The following MAP4K3 variants were observed in gnomAD, a reference collection of about 807,000 sequenced individuals.
MAP4K3 encodes MAPK/ERK kinase kinase kinase 3.
Under a neutral mutation model 143.5 loss-of-function variants are expected in MAP4K3, and 94 were observed. That is an observed-to-expected ratio of 0.65 (90% CI 0.55 to 0.78). The LOEUF (loss-of-function observed/expected upper bound fraction) is 0.78. Among genes scored for constraint, MAP4K3 ranks in the 30% least tolerant of loss-of-function variants. The pLI is 0.00. For missense variants in MAP4K3, 1,077 were observed against 1,068.1 expected (o/e 1.01, Z -0.12); for synonymous variants, 416 against 347.2 (o/e 1.20, Z -2.20).
intron 1 of MAP4K3, among the ~76,000 whole-genome samples, chr2:39,400,436 CTT>C (rs746916921): frequency 1.3e-5 from 2 of 152,142 alleles, no homozygotes; most frequent in Admixed American, 1.3e-4. Flanking sequence ...TATGCCTTCT[CTT>C]TTATTTCTTG....
intron 1 of MAP4K3, among the ~76,000 whole-genome samples, chr2:39,390,481 T>A (rs910907268): frequency 1.3e-5 from 2 of 152,160 alleles, no homozygotes; most frequent in African/African-American, 4.8e-5. Context: ...TTAATACTAC[T>A]CAAGTGACTG....
intron 2 of MAP4K3, among the ~76,000 whole-genome samples, chr2:39,377,201 C>CTTTTTTTTTTTTTTTTTTT (rs56149359): frequency 2.7e-5 from 3 of 110,586 alleles, no homozygotes; most frequent in African/African-American, 5.9e-5. Flanking sequence ...GCTATTTGGC[C>CTTTTTTTTTTTTTTTTTTT]TTTTTTTTTT....
At chr2:39,367,508 C>A (rs1381732488) in intron 2 of MAP4K3, among the ~76,000 whole-genome samples, 1 of 151,690 alleles carries the variant, frequency 6.6e-6, no homozygotes, top group Non-Finnish European at 1.5e-5. Context: ...CCACTGCACT[C>A]CAGCCTGGGT....
At chr2:39,345,367 T>C (rs754358870) in intron 3 of MAP4K3, among the ~76,000 whole-genome samples, 1 of 152,082 alleles carries the variant, frequency 6.6e-6, no homozygotes, top group Non-Finnish European at 1.5e-5. Flanking sequence ...TAGTGATCTA[T>C]GATAGTGCTA....
chr2:39,312,425 C>G (rs1682972801), intron 13 of MAP4K3, among the ~76,000 whole-genome samples: 1 of 152,164 alleles, frequency 6.6e-6, no homozygotes, highest in South Asian at 2.1e-4. Context: ...ACTTCTCAAC[C>G]AAGCTGAGGA....
At chr2:39,288,424 C>T in intron 19 of MAP4K3, 144 bp from the exon 20 acceptor site, 1 of 617,732 alleles carries the variant, frequency 1.6e-6, no homozygotes. Flanking sequence ...ACTCAACCAT[C>T]CAATTCAGAC....
chr2:39,318,342 A>G (rs1683188502), intron 12 of MAP4K3, among the ~76,000 whole-genome samples: 1 of 152,132 alleles, frequency 6.6e-6, no homozygotes, highest in African/African-American at 2.4e-5. Context: ...CCCGTGACAT[A>G]CCATTTATCT....
Position 39,315,427 on chromosome 2 carries a change from A to G in MAP4K3, c.919-39T>C, listed in dbSNP as rs771195122. On this transcript the variant is annotated intron_variant, in intron 12 of 33. Coordinates refer to ENST00000263881, the MANE Select transcript of MAP4K3 (RefSeq NM_003618.4). ...AAATCAATGATATGCAGCATTTGAT[A>G]ATCAAGTCATAGTTTGGTCCACAAA... The G allele has an allele frequency of 2.2e-6, 3 of 1,358,598 alleles. No individual in the cohort carries two copies. In the African/African-American group the frequency reaches 4.3e-5, roughly 20 times the overall value. 84.2% of individuals were successfully genotyped at this position (1,358,598 alleles called of 1,614,324 possible).
intron 2 of MAP4K3, among the ~76,000 whole-genome samples, chr2:39,369,300 A>G (rs6721740): frequency 0.11 from 16,327 of 144,010 alleles, 1,665 homozygotes; most frequent in African/African-American, 0.29. Flanking sequence ...GGTTCAAGTG[A>G]TTCTCCTGCC....
At chr2:39,265,162 C>T in intron 28 of MAP4K3, 41 bp downstream of exon 28, 1 of 1,285,936 alleles carries the variant, frequency 7.8e-7, no homozygotes. Flanking sequence ...GGTTGACAAG[C>T]TTTTATAGTA....
intron 1 of MAP4K3, among the ~76,000 whole-genome samples, chr2:39,431,835 T>A (rs187760765): frequency 5.4e-4 from 82 of 152,300 alleles, no homozygotes; most frequent in East Asian, 1.7e-3. Flanking sequence ...CTGAGGAAAC[T>A]GAGACACACA....
intron 1 of MAP4K3, among the ~76,000 whole-genome samples, chr2:39,419,670 T>C (rs186830697): frequency 6.6e-6 from 1 of 152,346 alleles, no homozygotes; most frequent in East Asian, 1.9e-4. Context: ...TAGCAGATCC[T>C]AGTAGTATTG....
chr2:39,332,039 G>A, intron 7 of MAP4K3, 50 bp from the exon 8 acceptor site: 1 of 1,051,888 alleles, frequency 9.5e-7, no homozygotes, highest in Non-Finnish European at 1.4e-6. Flanking sequence ...AAATAAAATT[G>A]TTTAAGGCAA....
chr2:39,378,996 A>C, intron 1 of MAP4K3, among the ~76,000 whole-genome samples: 1 of 152,076 alleles, frequency 6.6e-6, no homozygotes, highest in East Asian at 1.9e-4. Flanking sequence ...TTTCAATTTG[A>C]TATTTTAAAC....
At chr2:39,262,280 T>C (rs958442431) in intron 28 of MAP4K3, among the ~76,000 whole-genome samples, 10 of 152,218 alleles carry the variant, frequency 6.6e-5, no homozygotes, top group Admixed American at 6.5e-5. Context: ...TGAAGCTCTG[T>C]GTTCACCTGC....
Position 39,288,210 on chromosome 2 carries a change from C to G in MAP4K3, c.1385G>C (p.Cys462Ser). The change falls in exon 20 of 34, where the codon TGT (cysteine) becomes TCT (serine). Residue 462 changes from cysteine (C) to serine (S), a missense_variant. Physicochemically the swap from Cys to Ser is moderately radical, Grantham distance 112 (BLOSUM62 -1). Around this residue, in one of 2 missense-constraint regions of MAP4K3, gnomAD observed 864 missense variants for 801.2 expected, o/e 1.08. Coordinates refer to ENST00000263881, the MANE Select transcript of MAP4K3 (RefSeq NM_003618.4). The stretch of plus-strand genomic sequence containing the variant: ...CTTTGCTGGGCTCCCTGACATGGGA[C>G]ATCTCTTGATTGTTCCTTGATTTTC... ...EDENQGTIKR[C>S]PMSGSPAKPS... 6.2e-7 allele frequency: 1 copy of G among 1,614,044 alleles called. No homozygotes were observed. The highest frequency in any genetic ancestry group is 8.5e-7 in the Non-Finnish European group (1 of 1,179,946).
At chr2:39,413,345 C>T (rs1227356418) in intron 1 of MAP4K3, among the ~76,000 whole-genome samples, 1 of 152,126 alleles carries the variant, frequency 6.6e-6, no homozygotes, top group Non-Finnish European at 1.5e-5. Flanking sequence ...GAGCTAGGAA[C>T]AGAACCACCA....
At chr2:39,282,469 G>T in intron 22 of MAP4K3, 44 bp downstream of exon 22, 1 of 1,512,582 alleles carries the variant, frequency 6.6e-7, no homozygotes, top group Admixed American at 1.7e-5. Context: ...ACACACACAA[G>T]TGACTTAGCT....
chr2:39,265,969 G>C (rs1346405338), intron 27 of MAP4K3, among the ~76,000 whole-genome samples: 1 of 152,124 alleles, frequency 6.6e-6, no homozygotes, highest in Non-Finnish European at 1.5e-5. Flanking sequence ...ACTGTGAAAA[G>C]GGGAACAGCA....
Sources: gnomAD v4.1 joint callset for allele counts (sites outside exome capture counted in the v4.1 genomes callset) on GRCh38, gnomAD v4.1.1 for gene constraint, gnomAD v4.1.1 regional missense constraint, MANE v1.5 for transcripts, NCBI Gene and HGNC (gene_info 2026-07-23, HGNC 2026-07-21) for gene names.